Variants in ATAT1 observed in about 807,000 individuals in gnomAD.
The protein encoded by ATAT1 is alpha tubulin acetyltransferase 1.
ATAT1 carries 42 observed loss-of-function variants against 57.2 expected under a neutral mutation model. The observed-to-expected ratio is 0.73, with a 90% CI of 0.57 to 0.95. The LOEUF (loss-of-function observed/expected upper bound fraction) is 0.95, where lower values mean the gene tolerates loss of function less well. Among genes scored for constraint, ATAT1 ranks in the 40% least tolerant of loss-of-function variants. ATAT1 has a pLI of 0.00. For synonymous variants in ATAT1, 168 were observed against 187.1 expected, an observed-to-expected ratio of 0.90 and a Z score of 0.83; for missense variants, 454 against 523.7, an observed-to-expected ratio of 0.87 and a Z score of 1.30.
intron 6 of ATAT1, among the ~76,000 whole-genome samples, chr6:30,634,811 A>AC (rs1002305782): frequency 7.3e-4 from 111 of 151,690 alleles, no homozygotes; most frequent in African/African-American, 2.3e-3. Flanking sequence ...ACATGGTGAA[A>AC]CCCCCTGTCT....
At chr6:30,638,968 G>A (rs1322941701) in intron 6 of ATAT1, among the ~76,000 whole-genome samples, 4 of 151,978 alleles carry the variant, frequency 2.6e-5, no homozygotes, top group Non-Finnish European at 5.9e-5. Flanking sequence ...TTGGAACCCT[G>A]CTGAATTTTT....
intron 10 of ATAT1, chr6:30,644,501 G>C (rs1376016263): frequency 3.0e-6 from 3 of 985,648 alleles, no homozygotes; most frequent in Non-Finnish European, 3.6e-6. Flanking sequence ...CCTACCCTCT[G>C]AATGTGTGCT....
chr6:30,646,484 G>T lies in ATAT1; in HGVS notation c.1071G>T (p.Glu357Asp). ...CACCTACCAGGTCTGCCAGTGAGGA[G>T]CAGGCCTTGTCACAGGATGGGTCTG... Residue 357 changes from glutamate to aspartate, a missense_variant, in exon 13 of 13, where the codon GAG becomes GAT. Around this residue, in one of 3 missense-constraint regions of ATAT1, gnomAD observed 216 missense variants for 222.2 expected, o/e 0.97. Coordinates refer to ENST00000330083, the MANE Select transcript of ATAT1 (RefSeq NM_001031722.4). The T allele has an allele frequency of 6.3e-7, 1 of 1,592,058 alleles. No individual in the cohort carries two copies. Among genetic ancestry groups the T allele is most frequent in the South Asian group, 1.1e-5 (1 of 87,786 alleles).
At chr6:30,635,783 G>A (rs997042264) in intron 6 of ATAT1, among the ~76,000 whole-genome samples, 1 of 152,046 alleles carries the variant, frequency 6.6e-6, no homozygotes, top group Non-Finnish European at 1.5e-5. Context: ...TTGGTGCAGC[G>A]GTGTTTGGAA....
intron 6 of ATAT1, 47 bp downstream of exon 6, chr6:30,628,477 T>C: frequency 6.8e-7 from 1 of 1,471,242 alleles, no homozygotes; most frequent in Non-Finnish European, 9.4e-7. Flanking sequence ...TCCCATTGAA[T>C]TTATTTGTTA....
intron 6 of ATAT1, among the ~76,000 whole-genome samples, chr6:30,631,818 T>C (rs752595621): frequency 1.3e-5 from 2 of 151,758 alleles, no homozygotes; most frequent in Non-Finnish European, 2.9e-5. Flanking sequence ...CCAAGAAATA[T>C]CTGGAGAGAG....
At chr6:30,631,326 A>C (rs887564324) in intron 6 of ATAT1, among the ~76,000 whole-genome samples, 4 of 151,928 alleles carry the variant, frequency 2.6e-5, no homozygotes, top group Non-Finnish European at 4.4e-5. Context: ...CACTAAAAAA[A>C]ATACAAAAAA....
At chr6:30,643,084 G>T in intron 10 of ATAT1, 73 bp downstream of exon 10, 1 of 1,532,138 alleles carries the variant, frequency 6.5e-7, no homozygotes, top group South Asian at 1.3e-5. Flanking sequence ...AGGGCAATTT[G>T]AATCCATCAG....
intron 6 of ATAT1, among the ~76,000 whole-genome samples, chr6:30,630,362 G>C (rs1427546289): frequency 6.6e-6 from 1 of 151,990 alleles, no homozygotes; most frequent in Non-Finnish European, 1.5e-5. Flanking sequence ...CAGGTGCGGT[G>C]CGGTGGCCCA....
Position 30,627,724 on chromosome 6 carries a change from G to C in ATAT1, c.221G>C (p.Arg74Pro). The C allele has an allele frequency of 6.2e-7, 1 of 1,612,286 alleles. No homozygotes were observed. The highest frequency in any genetic ancestry group is 1.1e-5 in the South Asian group (1 of 91,062). ...TATATTCTCAAAGACAGTTCAGCCCGACCGTGAGTGCCACATGCTCTTCCA... is the reference window on the plus strand; with the variant it reads ...TATATTCTCAAAGACAGTTCAGCCCCACCGTGAGTGCCACATGCTCTTCCA... The change falls in exon 3 of 13, where the codon CGA becomes CCA. Residue 74 changes from arginine (R) to proline (P), a missense_variant. Coordinates refer to ENST00000330083, the MANE Select transcript of ATAT1 (RefSeq NM_001031722.4).
At chr6:30,633,648 T>G in intron 6 of ATAT1, 1 of 199,766 alleles carries the variant, frequency 5.0e-6, no homozygotes, top group Non-Finnish European at 1.1e-5. Flanking sequence ...GAGGCAGTTG[T>G]GGACACAAGC....
chr6:30,636,583 C>T (rs1582814782), intron 6 of ATAT1, among the ~76,000 whole-genome samples: 1 of 151,056 alleles, frequency 6.6e-6, no homozygotes, highest in East Asian at 2.0e-4. Flanking sequence ...AAGACACTGT[C>T]TCAAAAAAAA....
intron 6 of ATAT1, among the ~76,000 whole-genome samples, chr6:30,632,034 G>A (rs937344062): frequency 6.6e-6 from 1 of 151,288 alleles, no homozygotes; most frequent in Non-Finnish European, 1.5e-5. Context: ...TCAGGCCAGG[G>A]GTGGCGACTC....
Position 30,628,064 on chromosome 6 carries a change from A to C in ATAT1, c.318A>C (p.Pro106=). ...GTGAGGCTCATAATGAGGTAGAACC[A>C]CTTTGCATCCTGGACTTTTACATCC... Residue 106 remains proline, a synonymous_variant, in exon 5 of 13, where the codon CCA becomes CCC. Coordinates refer to ENST00000330083, the MANE Select transcript of ATAT1 (RefSeq NM_001031722.4). The C allele has an allele frequency of 6.2e-7, 1 of 1,613,076 alleles. No homozygotes were observed.
chr6:30,633,030 G>A (rs1763259589), intron 6 of ATAT1, among the ~76,000 whole-genome samples: 1 of 152,132 alleles, frequency 6.6e-6, no homozygotes, highest in East Asian at 1.9e-4. Context: ...GCGAAAAATG[G>A]TGGTGGCTCA....
chr6:30,636,809 T>C (rs1764200148), intron 6 of ATAT1, among the ~76,000 whole-genome samples: 1 of 151,856 alleles, frequency 6.6e-6, no homozygotes, highest in Non-Finnish European at 1.5e-5. Flanking sequence ...CAGTTTTTTT[T>C]TGTTTGTTTG....
chr6:30,627,375 G>A, intron 1 of ATAT1, 85 bp from the exon 2 acceptor site: 2 of 1,603,548 alleles, frequency 1.2e-6, no homozygotes, highest in Admixed American at 3.3e-5. Context: ...CTGGGTTGGA[G>A]TTGTGGCCCA....
chr6:30,627,400 A>G, intron 1 of ATAT1, 60 bp from the exon 2 acceptor site: 2 of 1,598,288 alleles, frequency 1.3e-6, no homozygotes, highest in Non-Finnish European at 1.7e-6. Context: ...CCCAGGACTG[A>G]CTGCCTAGGA....
At position 30,627,274 on chromosome 6, in the gene ATAT1, G is replaced by A; in HGVS notation, c.71G>A (p.Ser24Asn). The change falls in exon 1 of 13, where the codon AGT (serine) becomes AAT (asparagine). Residue 24 changes from serine to asparagine, a missense_variant and splice_region_variant. This residue lies in a region of ATAT1 where 236 missense variants were observed against 284.5 expected (regional missense o/e 0.83). Coordinates refer to ENST00000330083, the MANE Select transcript of ATAT1 (RefSeq NM_001031722.4). Reference sequence around the variant, plus strand: ...GAGGAGGGAGTGTGCCACCTTGAAAGGTGTGACAGAAGTTTGGGTTTCAGA... The same window carrying A: ...GAGGAGGGAGTGTGCCACCTTGAAAAGTGTGACAGAAGTTTGGGTTTCAGA... The A allele has an allele frequency of 6.2e-7, 1 of 1,613,858 alleles. No homozygotes were observed. The highest frequency in any genetic ancestry group is 8.5e-7 in the Non-Finnish European group (1 of 1,179,880).
Sources: gnomAD v4.1 joint callset for allele counts (sites outside exome capture counted in the v4.1 genomes callset) on GRCh38, gnomAD v4.1.1 for gene constraint, gnomAD v4.1.1 regional missense constraint, MANE v1.5 for transcripts, NCBI Gene and HGNC (gene_info 2026-07-23, HGNC 2026-07-21) for gene names.